The following PPP3CA variants were observed in gnomAD, a reference collection of about 807,000 sequenced individuals.
The protein encoded by PPP3CA is protein phosphatase 3 catalytic subunit alpha.
A neutral mutation model predicts 66.5 loss-of-function variants in PPP3CA; 14 were observed. The ratio of observed to expected loss-of-function variants is 0.21; its 90% CI spans 0.14 to 0.33. The LOEUF is 0.33. Ranked by LOEUF, PPP3CA falls within the 10% of genes least tolerant of loss-of-function variation. PPP3CA has a pLI of 1.00. For missense variants in PPP3CA, 317 were observed against 639.5 expected, an observed-to-expected ratio of 0.50 and a Z score of 5.44; for synonymous variants, 232 against 226.2, an observed-to-expected ratio of 1.03 and a Z score of -0.23.
At chr4:101,135,281 G>A (rs1294123670) in intron 2 of PPP3CA, among the ~76,000 whole-genome samples, 1 of 151,734 alleles carries the variant, frequency 6.6e-6, no homozygotes, top group Non-Finnish European at 1.5e-5. Context: ...AGAAGCCTGG[G>A]TCCATAACGA....
intron 3 of PPP3CA, 65 bp downstream of exon 3, chr4:101,108,889 T>A (rs1560606604): frequency 1.3e-6 from 2 of 1,516,680 alleles, no homozygotes; most frequent in Non-Finnish European, 1.8e-6. Flanking sequence ...CATTTACTGC[T>A]TTTATTTTTT....
chr4:101,333,099 C>A (rs1043058260), intron 1 of PPP3CA, among the ~76,000 whole-genome samples: 1 of 120,346 alleles, frequency 8.3e-6, no homozygotes, highest in South Asian at 2.9e-4. Flanking sequence ...ATGCCATCTT[C>A]TTTCTTTTTT....
chr4:101,260,011 C>T (rs1726962727), intron 1 of PPP3CA, among the ~76,000 whole-genome samples: 1 of 152,130 alleles, frequency 6.6e-6, no homozygotes, highest in South Asian at 2.1e-4. Flanking sequence ...AAGGCAGAAA[C>T]TGCTGTCTTC....
intron 2 of PPP3CA, among the ~76,000 whole-genome samples, chr4:101,190,789 C>T (rs1011928869): frequency 1.3e-5 from 2 of 152,098 alleles, no homozygotes; most frequent in Non-Finnish European, 2.9e-5. Context: ...TTTCATCCTG[C>T]CTGCTTGTAT....
At chr4:101,319,202 G>T (rs1728967904) in intron 1 of PPP3CA, among the ~76,000 whole-genome samples, 1 of 149,266 alleles carries the variant, frequency 6.7e-6, no homozygotes, top group African/African-American at 2.5e-5. Context: ...CTTTAAAAAG[G>T]AAGAACAGAG....
chr4:101,202,746 C>A (rs555292594), intron 1 of PPP3CA, among the ~76,000 whole-genome samples: 3 of 152,094 alleles, frequency 2.0e-5, no homozygotes, highest in African/African-American at 7.2e-5. Flanking sequence ...ACAGAAATAT[C>A]CAGTTACAAT....
chr4:101,155,058 G>A (rs1181574249), intron 2 of PPP3CA, among the ~76,000 whole-genome samples: 2 of 152,020 alleles, frequency 1.3e-5, no homozygotes, highest in Admixed American at 6.6e-5. Flanking sequence ...CTCATGATCT[G>A]CCCGCCTCGG....
chr4:101,104,858 T>C (rs1388130494), intron 3 of PPP3CA, among the ~76,000 whole-genome samples: 1 of 152,174 alleles, frequency 6.6e-6, no homozygotes, highest in Non-Finnish European at 1.5e-5. Context: ...AGTCATTTTG[T>C]CATTTTTGTA....
At chr4:101,211,104 C>T (rs888475763) in intron 1 of PPP3CA, among the ~76,000 whole-genome samples, 4 of 152,050 alleles carry the variant, frequency 2.6e-5, no homozygotes, top group African/African-American at 9.7e-5. Flanking sequence ...TTTTATATTC[C>T]AAAACCCAGG....
At chr4:101,189,676 A>G (rs1724528455) in intron 2 of PPP3CA, among the ~76,000 whole-genome samples, 1 of 138,002 alleles carries the variant, frequency 7.2e-6, no homozygotes, top group African/African-American at 2.9e-5. Context: ...AGTGTTTATG[A>G]TAGTGAACGG....
chr4:101,234,037 G>A (rs946985358), intron 1 of PPP3CA, among the ~76,000 whole-genome samples: 1 of 151,612 alleles, frequency 6.6e-6, no homozygotes, highest in Non-Finnish European at 1.5e-5. Flanking sequence ...AAAGATAATG[G>A]GCTGCAGCAC....
chr4:101,034,995 G>A (rs1018863107), intron 11 of PPP3CA, among the ~76,000 whole-genome samples: 7 of 152,122 alleles, frequency 4.6e-5, no homozygotes, highest in African/African-American at 1.2e-4. Context: ...GCTGGGCACC[G>A]TGGCTCATAC....
At chr4:101,341,201 TC>T (rs1326480051) in intron 1 of PPP3CA, among the ~76,000 whole-genome samples, 4 of 52,840 alleles carry the variant, frequency 7.6e-5, no homozygotes, top group African/African-American at 5.0e-4. Flanking sequence ...TTTCTTTTTT[TC>T]TTTTTCTTTT....
chr4:101,124,635 A>AAAAG (rs1210146069), intron 2 of PPP3CA, among the ~76,000 whole-genome samples: 1 of 147,642 alleles, frequency 6.8e-6, no homozygotes, highest in Non-Finnish European at 1.5e-5. Flanking sequence ...GAAAGAAAGA[A>AAAAG]AAAGAAAGAA....
chr4:101,109,047 A>G lies in PPP3CA; in HGVS notation c.291T>C (p.Asp97=), dbSNP rs199851920. 1.2e-4 allele frequency: 201 copies of G among 1,613,608 alleles called. 1 individual carries two copies. The South Asian group carries it at 2.1e-3, about 17-fold the overall frequency. The change falls in exon 3 of 14, where the codon GAT becomes GAC. Residue 97 remains aspartate (D), a synonymous_variant. Coordinates refer to ENST00000394854, the MANE Select transcript of PPP3CA (RefSeq NM_000944.5). ...CCCCGACTTCAAAGAGCTTCATCAA[A>G]TCAAAGAATTGTCCATGAATGTCCC... ...VCGDIHGQFF[D]LMKLFEVGGS...
chr4:101,089,805 C>T (rs550878640), intron 6 of PPP3CA, among the ~76,000 whole-genome samples: 55 of 152,262 alleles, frequency 3.6e-4, no homozygotes, highest in Admixed American at 2.9e-3. Flanking sequence ...GATAATGGTA[C>T]ATTGGGGCAA....
At position 101,324,146 on chromosome 4, in the gene PPP3CA, A is replaced by AAGGG. The variant is rs1194244716; in HGVS notation, c.58+22589_58+22592dup. ...AGAAAGGAAGGGAAGGAAGGGAAGG[A>AAGGG]AGGGAGGGAGGAAGGAAGGAAGGAA... is the stretch of plus-strand genomic sequence containing the variant. On this transcript the variant is annotated intron_variant, in intron 1 of 13. Coordinates refer to ENST00000394854, the MANE Select transcript of PPP3CA (RefSeq NM_000944.5). 7.5e-3 allele frequency among the ~76,000 whole-genome samples: 857 copies of AAGGG among 113,654 alleles called. 22 individuals are homozygous for AAGGG. Among genetic ancestry groups the AAGGG allele is most frequent in the African/African-American group, 0.024 (547 of 23,236 alleles). The allele number at this position is 113,654 out of a possible 152,430, so 74.6% of individuals were successfully genotyped here.
At chr4:101,146,736 T>C (rs1299069349) in intron 2 of PPP3CA, among the ~76,000 whole-genome samples, 2 of 152,134 alleles carry the variant, frequency 1.3e-5, no homozygotes, top group African/African-American at 2.4e-5. Context: ...CCACCACGCC[T>C]GGCCAAGAAC....
At chr4:101,182,661 A>G (rs1169141491) in intron 2 of PPP3CA, among the ~76,000 whole-genome samples, 1 of 152,182 alleles carries the variant, frequency 6.6e-6, no homozygotes, top group Non-Finnish European at 1.5e-5. Flanking sequence ...CATAGGTAAC[A>G]ATCTGCAGGA....
Sources: gnomAD v4.1 joint callset for allele counts (sites outside exome capture counted in the v4.1 genomes callset) on GRCh38, gnomAD v4.1.1 for gene constraint, MANE v1.5 for transcripts, NCBI Gene and HGNC (gene_info 2026-07-23, HGNC 2026-07-21) for gene names.